The following ICE2 variants were observed in gnomAD, a reference collection of about 807,000 sequenced individuals.
The protein encoded by ICE2 is interactor of little elongation complex ELL subunit 2, also known as little elongation complex subunit 2.
In ICE2, 87 loss-of-function variants were observed where a neutral mutation model predicts 105.4. That is an observed-to-expected ratio of 0.83 (90% CI 0.69 to 0.99). The LOEUF is 0.99. Ranked by LOEUF, ICE2 falls within the 50% of genes least tolerant of loss-of-function variation. The pLI is 0.00. For synonymous variants in ICE2, 399 were observed against 392.0 expected (o/e 1.02, Z -0.21); for missense variants, 1,323 against 1,146.7 (o/e 1.15, Z -2.22).
chr15:60,440,262 C>A (rs1231004427), intron 12 of ICE2: 1 of 152,176 alleles, frequency 6.6e-6, no homozygotes, highest in Non-Finnish European at 1.5e-5. Context: ...ACTGTTAATA[C>A]ACGGTCATAA....
chr15:60,446,616 C>G (rs1301043445), intron 11 of ICE2, among the ~76,000 whole-genome samples: 1 of 152,122 alleles, frequency 6.6e-6, no homozygotes, highest in African/African-American at 2.4e-5. Context: ...AGGATGGTCT[C>G]AATCTCCTGA....
chr15:60,434,283 T>C (rs970614229), intron 13 of ICE2, among the ~76,000 whole-genome samples: 1 of 152,218 alleles, frequency 6.6e-6, no homozygotes, highest in African/African-American at 2.4e-5. Context: ...TGATGCTTGG[T>C]AGAAGGGCAA....
At chr15:60,477,016 G>T (rs1019656452) in intron 2 of ICE2, among the ~76,000 whole-genome samples, 31 of 152,162 alleles carry the variant, frequency 2.0e-4, no homozygotes, top group African/African-American at 7.5e-4. Context: ...TAATCAAATG[G>T]TAACTTCTGG....
Position 60,477,991 on chromosome 15 carries a change from T to C in ICE2, c.-14A>G. 1.2e-6 allele frequency: 2 copies of C among 1,613,624 alleles called. No homozygotes were observed. The highest frequency in any genetic ancestry group is 2.2e-5 in the South Asian group (2 of 91,078). On this transcript the variant is annotated 5_prime_UTR_variant, in exon 2 of 16. Coordinates refer to ENST00000261520, the MANE Select transcript of ICE2 (RefSeq NM_024611.6). ...CTTGGAGCTCATCTTCCTAGATTTC[T>C]GCTTCACTCTAGCTCACAGTTCACA...
intron 15 of ICE2, among the ~76,000 whole-genome samples, chr15:60,427,830 T>C (rs1050674612): frequency 6.6e-6 from 1 of 152,236 alleles, no homozygotes; most frequent in African/African-American, 2.4e-5. Context: ...CTTCAGATAA[T>C]GTCATTCAAC....
chr15:60,445,283 C>A (rs2063798788), intron 11 of ICE2, among the ~76,000 whole-genome samples: 1 of 152,108 alleles, frequency 6.6e-6, no homozygotes, highest in Non-Finnish European at 1.5e-5. Context: ...GTACCACTTA[C>A]AACATTTTCA....
intron 15 of ICE2, 53 bp downstream of exon 15, chr15:60,428,376 A>C (rs2063382349): frequency 6.4e-7 from 1 of 1,552,480 alleles, no homozygotes; most frequent in African/African-American, 1.4e-5. Flanking sequence ...AGTCAGTGAA[A>C]TAGACGAATA....
intron 12 of ICE2, chr15:60,439,008 T>A (rs1212984170): frequency 2.0e-5 from 3 of 152,160 alleles, no homozygotes; most frequent in Non-Finnish European, 4.4e-5. Flanking sequence ...ATACAAGCGT[T>A]CATTCATATA....
chr15:60,473,626 G>A lies in ICE2; in HGVS notation c.146+2437C>T, dbSNP rs1212499071. ...ATTCTTTTTTTAAAGATAGACATAT[G>A]TTCTCTAAATCCCAGGACAACAGAA... On this transcript the variant is annotated intron_variant, in intron 3 of 15. Coordinates refer to ENST00000261520, the MANE Select transcript of ICE2 (RefSeq NM_024611.6). 5.9e-5 allele frequency among the ~76,000 whole-genome samples: 9 copies of A among 151,994 alleles called. No individual in the cohort carries two copies. The East Asian group carries it at 1.4e-3, about 23-fold the overall frequency.
At chr15:60,451,393 T>C (rs1566989289) in intron 9 of ICE2, 2 of 946,566 alleles carry the variant, frequency 2.1e-6, no homozygotes, top group Non-Finnish European at 2.5e-6. Flanking sequence ...TGATAAAGTC[T>C]TATTCTATGT....
At chr15:60,448,214 A>G (rs377632061) in intron 10 of ICE2, 69 bp from the exon 11 acceptor site, 3 of 973,074 alleles carry the variant, frequency 3.1e-6, no homozygotes, top group East Asian at 2.7e-5. Context: ...GGATACAACA[A>G]TTCAATTAAC....
chr15:60,455,518 T>C, intron 6 of ICE2, 76 bp from the exon 7 acceptor site: 1 of 891,008 alleles, frequency 1.1e-6, no homozygotes, highest in Non-Finnish European at 1.8e-6. Context: ...TTTCATCATA[T>C]GAAACTCTTA....
chr15:60,476,797 G>C (rs1047943792), intron 2 of ICE2, among the ~76,000 whole-genome samples: 2 of 152,150 alleles, frequency 1.3e-5, no homozygotes, highest in African/African-American at 4.8e-5. Context: ...TTAAAAACTT[G>C]AAAACACTGA....
intron 5 of ICE2, among the ~76,000 whole-genome samples, chr15:60,457,905 A>T (rs2064171384): frequency 6.6e-6 from 1 of 152,156 alleles, no homozygotes; most frequent in African/African-American, 2.4e-5. Context: ...TTCCCTTCCT[A>T]TGGTAGTTAT....
Position 60,449,253 on chromosome 15 carries a change from C to A in ICE2, c.1714G>T (p.Asp572Tyr). Reference protein sequence around the residue: ...KTEDTVLCSSDTDEECLIIDT... With the variant: ...KTEDTVLCSSYTDEECLIIDT... The stretch of plus-strand genomic sequence containing the variant: ...ATGATTAAACACTCCTCATCTGTAT[C>A]ACTGCTGCAGAGAACTGTATCTTCA... The change falls in exon 10 of 16, where the codon GAT becomes TAT. Residue 572 changes from aspartate (D) to tyrosine (Y), a missense_variant. Transcript: ENST00000261520. The A allele has an allele frequency of 6.2e-7, 1 of 1,613,760 alleles. No homozygotes were observed. Among genetic ancestry groups the A allele is most frequent in the South Asian group, 1.1e-5 (1 of 91,064 alleles).
intron 5 of ICE2, among the ~76,000 whole-genome samples, chr15:60,464,844 TGTATCTAAAAAAA>T (rs2141131081): frequency 6.6e-6 from 1 of 152,258 alleles, no homozygotes; most frequent in South Asian, 2.1e-4. Context: ...CAGGAGGCCC[TGTATCTAAAAAAA>T]GTTAGCTGCA....
At chr15:60,445,004 C>T (rs1388732933) in intron 11 of ICE2, among the ~76,000 whole-genome samples, 1 of 152,102 alleles carries the variant, frequency 6.6e-6, no homozygotes, top group Non-Finnish European at 1.5e-5. Flanking sequence ...TATTTTATCC[C>T]ATCACTTGAG....
In ICE2 at chr15:60,428,456, T is replaced by C. The variant is rs1481656050; in HGVS notation, c.2793A>G (p.Lys931=). 2.5e-6 allele frequency: 4 copies of C among 1,614,036 alleles called. No homozygotes were observed. The highest frequency in any genetic ancestry group is 3.4e-6 in the Non-Finnish European group (4 of 1,179,902). ...HGRIPCTFPP[K]SLDTTTQQKI... ...TTTGTTGTGTTGTGGTATCCAGTGA[T>C]TTCGGTGGAAAAGTACAAGGTATTC... The change falls in exon 15 of 16, where the codon AAA becomes AAG. Residue 931 remains lysine, a synonymous_variant. Coordinates refer to ENST00000261520, the MANE Select transcript of ICE2 (RefSeq NM_024611.6).
intron 5 of ICE2, among the ~76,000 whole-genome samples, chr15:60,458,092 A>C (rs562078721): frequency 6.6e-6 from 1 of 152,334 alleles, no homozygotes; most frequent in African/African-American, 2.4e-5. Context: ...GGAAAATCTA[A>C]GACAGTTTTA....
Sources: gnomAD v4.1 joint callset for allele counts (sites outside exome capture counted in the v4.1 genomes callset) on GRCh38, gnomAD v4.1.1 for gene constraint, MANE v1.5 for transcripts, NCBI Gene and HGNC (gene_info 2026-07-23, HGNC 2026-07-21) for gene names.